Variants in PTPRN2 observed in about 807,000 individuals in gnomAD.
PTPRN2 encodes protein tyrosine phosphatase receptor type N2.
PTPRN2 carries 74 observed loss-of-function variants against 118.8 expected under a neutral mutation model. That is an observed-to-expected ratio of 0.62 (90% CI 0.52 to 0.76). The LOEUF (loss-of-function observed/expected upper bound fraction) is 0.76, where lower values mean the gene tolerates loss of function less well. Ranked by LOEUF, PTPRN2 falls within the 30% of genes least tolerant of loss-of-function variation. The pLI, the probability that PTPRN2 is intolerant of heterozygous loss-of-function variation, is 0.00. For missense variants in PTPRN2, 1,481 were observed against 1,394.4 expected, an observed-to-expected ratio of 1.06 and a Z score of -0.99; for synonymous variants, 641 against 608.0, an observed-to-expected ratio of 1.05 and a Z score of -0.80.
At chr7:158,292,283 T>C (rs1697558194) in intron 3 of PTPRN2, among the ~76,000 whole-genome samples, 4 of 152,162 alleles carry the variant, frequency 2.6e-5, no homozygotes, top group Admixed American at 2.6e-4. Flanking sequence ...CTGCCCCTAT[T>C]CCAGGATGTT....
intron 12 of PTPRN2, among the ~76,000 whole-genome samples, chr7:157,771,122 A>G (rs887436634): frequency 1.3e-5 from 2 of 152,224 alleles, no homozygotes; most frequent in East Asian, 3.9e-4. Flanking sequence ...GAGGCTCCAC[A>G]TGCAGAGGCC....
intron 11 of PTPRN2, among the ~76,000 whole-genome samples, chr7:158,069,200 A>AT (rs1421499348): frequency 6.6e-6 from 1 of 152,064 alleles, no homozygotes; most frequent in African/African-American, 2.4e-5. Flanking sequence ...TTTAAACAAA[A>AT]TTTTTAGAGA....
intron 12 of PTPRN2, among the ~76,000 whole-genome samples, chr7:157,761,645 C>A (rs1802137333): frequency 6.8e-6 from 1 of 148,016 alleles, no homozygotes; most frequent in South Asian, 2.2e-4. Flanking sequence ...ACCATAAAAA[C>A]CCTAGAAGAA....
chr7:158,417,052 T>G (rs893512873), intron 2 of PTPRN2, among the ~76,000 whole-genome samples: 33 of 152,236 alleles, frequency 2.2e-4, no homozygotes, highest in African/African-American at 7.7e-4. Context: ...TAAGTCACAG[T>G]GCACTACATC....
chr7:157,580,590 C>G (rs1245120893), intron 17 of PTPRN2, among the ~76,000 whole-genome samples: 67 of 144,166 alleles, frequency 4.6e-4, no homozygotes, highest in African/African-American at 1.5e-3. Context: ...CTGCACACCC[C>G]AGCACCTGCA....
At chr7:158,342,830 G>C (rs540539640) in intron 2 of PTPRN2, among the ~76,000 whole-genome samples, 1 of 152,114 alleles carries the variant, frequency 6.6e-6, no homozygotes, top group African/African-American at 2.4e-5. Flanking sequence ...AACCATTCCA[G>C]ACCACCGGGA....
At chr7:157,594,738 C>G (rs927828405) in intron 17 of PTPRN2, among the ~76,000 whole-genome samples, 1 of 152,218 alleles carries the variant, frequency 6.6e-6, no homozygotes, top group African/African-American at 2.4e-5. Context: ...GCATGTTGCT[C>G]TATTTGCTGA....
chr7:158,523,689 G>A (rs1226373185), intron 1 of PTPRN2, among the ~76,000 whole-genome samples: 1,309 of 104,316 alleles, frequency 0.013, 2 homozygotes, highest in Middle Eastern at 0.018. Context: ...GGAGTCGTCT[G>A]CCCTGGAGTG....
intron 11 of PTPRN2, among the ~76,000 whole-genome samples, chr7:157,934,772 A>G (rs1448480622): frequency 6.6e-6 from 1 of 152,092 alleles, no homozygotes; most frequent in Non-Finnish European, 1.5e-5. Context: ...CTTCCTGTGG[A>G]CCTGGGTCTC....
chr7:157,982,258 G>A (rs1481217655), intron 11 of PTPRN2, among the ~76,000 whole-genome samples: 8 of 55,812 alleles, frequency 1.4e-4, no homozygotes, highest in Non-Finnish European at 1.8e-4. Context: ...CCCAAACCCC[G>A]AGTCATAGAG....
chr7:158,327,354 T>C lies in PTPRN2; in HGVS notation c.164-10422A>G, dbSNP rs973738206. On this transcript the variant is annotated intron_variant, in intron 2 of 22. Transcript: ENST00000389418. ...ACACGTGCTCACACATGCTCACACA[T>C]GTACACATTGTCACACACACATTAT... Among the ~76,000 whole-genome samples, 5 of 142,542 alleles carry C rather than the reference T, an allele frequency of 3.5e-5. 1 individual carries two copies. The highest frequency in any genetic ancestry group is 1.3e-4 in the African/African-American group (5 of 38,088). The allele number at this position is 142,542 out of a possible 152,430, so 93.5% of individuals were successfully genotyped here.
chr7:158,547,868 C>T (rs1563421779), intron 1 of PTPRN2, among the ~76,000 whole-genome samples: 2 of 152,212 alleles, frequency 1.3e-5, no homozygotes, highest in Admixed American at 1.3e-4. Flanking sequence ...TGGGCTGGCC[C>T]GAGTATCAGT....
intron 1 of PTPRN2, among the ~76,000 whole-genome samples, chr7:158,519,395 T>TA (rs1326513799): frequency 5.3e-5 from 8 of 152,188 alleles, no homozygotes; most frequent in African/African-American, 1.7e-4. Flanking sequence ...TATAAATAAG[T>TA]AAAGAGGTGC....
chr7:157,776,456 C>T (rs1803267287), intron 12 of PTPRN2, among the ~76,000 whole-genome samples: 2 of 147,420 alleles, frequency 1.4e-5, no homozygotes, highest in African/African-American at 2.5e-5. Flanking sequence ...CACTCTCCTC[C>T]TCCTCCCTCT....
intron 1 of PTPRN2, among the ~76,000 whole-genome samples, chr7:158,586,465 G>A (rs1828930065): frequency 6.6e-6 from 1 of 152,136 alleles, no homozygotes; most frequent in Non-Finnish European, 1.5e-5. Flanking sequence ...CTCCATCCCC[G>A]CCTGCGTTTG....
intron 21 of PTPRN2, among the ~76,000 whole-genome samples, chr7:157,553,674 C>T (rs935450416): frequency 2.6e-5 from 4 of 152,254 alleles, no homozygotes; most frequent in African/African-American, 7.2e-5. Context: ...TCGCGCTGAG[C>T]CCGAGACCAA....
Position 158,228,663 on chromosome 7 carries a change from C to A in PTPRN2, c.278-23390G>T, listed in dbSNP as rs1585908477. On this transcript the variant is annotated intron_variant, in intron 3 of 22. Coordinates refer to ENST00000389418, the MANE Select transcript of PTPRN2 (RefSeq NM_002847.5). ...AATTGAAAACACCCCAAGCAGACAG[C>A]AAAAGCATCAGACCACCATGTCTGC... is the stretch of plus-strand genomic sequence containing the variant. 5.3e-5 allele frequency among the ~76,000 whole-genome samples: 8 copies of A among 152,138 alleles called. 1 individual carries two copies. In the South Asian group the frequency reaches 1.7e-3, roughly 32 times the overall value.
intron 12 of PTPRN2, among the ~76,000 whole-genome samples, chr7:157,799,380 A>T (rs1046819932): frequency 6.6e-6 from 1 of 152,044 alleles, no homozygotes; most frequent in African/African-American, 2.4e-5. Flanking sequence ...AGACCTCCCC[A>T]CGCTGAACGT....
chr7:157,979,951 C>T (rs566139839), intron 11 of PTPRN2, among the ~76,000 whole-genome samples: 230 of 152,272 alleles, frequency 1.5e-3, no homozygotes, highest in African/African-American at 4.9e-3. Context: ...CTGGTGAGTT[C>T]GGGGTAGTGT....
Sources: allele counts gnomAD v4.1 joint callset (sites outside exome capture counted in the v4.1 genomes callset), GRCh38; gene constraint gnomAD v4.1.1; transcripts MANE v1.5; gene names NCBI Gene and HGNC (gene_info 2026-07-23, HGNC 2026-07-21).